The following SFXN4 variants were observed in gnomAD, a reference collection of about 807,000 sequenced individuals.
The protein encoded by SFXN4 is sideroflexin 4.
In SFXN4, 48 loss-of-function variants were observed where a neutral mutation model predicts 54.6. The ratio of observed to expected loss-of-function variants is 0.88; its 90% CI spans 0.70 to 1.12. The LOEUF is 1.12. SFXN4 is among the 50% of genes most tolerant of loss of function. The pLI, the probability that SFXN4 is intolerant of heterozygous loss-of-function variation, is 0.00. For synonymous variants in SFXN4, 130 were observed against 145.5 expected, an observed-to-expected ratio of 0.89 and a Z score of 0.77; for missense variants, 383 against 409.2, an observed-to-expected ratio of 0.94 and a Z score of 0.55.
At chr10:119,162,042 A>C in intron 3 of SFXN4, 3 of 397,574 alleles carry the variant, frequency 7.5e-6, no homozygotes, top group Non-Finnish European at 9.0e-6. Flanking sequence ...GGCTCCAGGA[A>C]TCAGCTGCAG....
At chr10:119,158,958 G>C (rs1424305143) in intron 6 of SFXN4, among the ~76,000 whole-genome samples, 3 of 152,068 alleles carry the variant, frequency 2.0e-5, no homozygotes, top group Non-Finnish European at 4.4e-5. Flanking sequence ...ACTCCAGCCT[G>C]GGCAACAGAG....
chr10:119,157,640 A>C, intron 9 of SFXN4, 28 bp downstream of exon 9: 1 of 1,534,170 alleles, frequency 6.5e-7, no homozygotes, highest in Non-Finnish European at 8.8e-7. Context: ...GGAATAAAGA[A>C]GATTTGACAG....
chr10:119,155,385 G>C lies in SFXN4; in HGVS notation c.617-208C>G, dbSNP rs959825081. Among the ~76,000 whole-genome samples the C allele has an allele frequency of 2.0e-5, 3 of 152,180 alleles. 1 individual carries two copies. The highest frequency in any genetic ancestry group is 4.4e-5 in the Non-Finnish European group (3 of 68,032). ...TAGGCTAAGAACTGCTGGCCACTCA[G>C]TCTTGGATCCTGACCACAGCCTGGG... is the stretch of plus-strand genomic sequence containing the variant. On this transcript the variant is annotated intron_variant, in intron 10 of 13. Coordinates refer to ENST00000355697, the MANE Select transcript of SFXN4 (RefSeq NM_213649.2).
intron 6 of SFXN4, among the ~76,000 whole-genome samples, chr10:119,158,390 G>T (rs143845932): frequency 1.3e-3 from 196 of 152,140 alleles, no homozygotes; most frequent in African/African-American, 4.4e-3. Flanking sequence ...GGAGGCTGAG[G>T]TGGGAGGATC....
Position 119,157,027 on chromosome 10 carries a change from T to C in SFXN4, c.538-271A>G, listed in dbSNP as rs3818794. Among the ~76,000 whole-genome samples, 73,514 of 152,058 alleles carry C rather than the reference T, an allele frequency of 0.48. 18,058 individuals are homozygous for C. The highest frequency in any genetic ancestry group is 0.72 in the East Asian group (3,712 of 5,178). On this transcript the variant is annotated intron_variant, in intron 9 of 13. Transcript: ENST00000355697. ...AGGATGAGGGCCCAGGCTTGTCTGA[T>C]GCCAACATCTCCCCATCTTTCACCA... is the stretch of plus-strand genomic sequence containing the variant.
rs61874342 is a variant in SFXN4, at chr10:119,147,691, C to T, written c.818+84G>A. 183,005 of 1,181,940 alleles carry T rather than the reference C, an allele frequency of 0.15. 14,975 individuals carry two copies. Among genetic ancestry groups the T allele is most frequent in the African/African-American group, 0.23 (15,119 of 65,726 alleles). The allele number at this position is 1,181,940 out of a possible 1,614,324, so 73.2% of individuals were successfully genotyped here. On this transcript the variant is annotated intron_variant, in intron 12 of 13. Coordinates refer to ENST00000355697, the MANE Select transcript of SFXN4 (RefSeq NM_213649.2). ...AGGTTACTGAGCCAACTTCTCCCCA[C>T]CCTCCACCAGGGTCAGTATCTGACA... is the stretch of plus-strand genomic sequence containing the variant.
intron 5 of SFXN4, among the ~76,000 whole-genome samples, chr10:119,160,643 G>A (rs568803782): frequency 6.6e-5 from 9 of 135,836 alleles, no homozygotes; most frequent in South Asian, 4.9e-4. Context: ...AGGCTGGAGC[G>A]CAATGGCATG....
chr10:119,145,311 A>ATTTTT (rs1223685344), intron 13 of SFXN4, among the ~76,000 whole-genome samples: 3 of 68,098 alleles, frequency 4.4e-5, no homozygotes, highest in Non-Finnish European at 7.0e-5. Context: ...TTTTCTTATG[A>ATTTTT]TTTTTTTTTT....
At chr10:119,154,759 G>A (rs1268341844) in intron 11 of SFXN4, among the ~76,000 whole-genome samples, 1 of 152,198 alleles carries the variant, frequency 6.6e-6, no homozygotes, top group East Asian at 1.9e-4. Context: ...TTGTGTTAGG[G>A]AGGCAGAGGT....
chr10:119,165,214 G>A (rs1050707582), intron 1 of SFXN4: 12 of 1,081,402 alleles, frequency 1.1e-5, no homozygotes, highest in Non-Finnish European at 1.4e-5. Flanking sequence ...AGGTGCGAGA[G>A]CCTGTTTCTC....
At chr10:119,151,808 C>T (rs1026897769) in intron 11 of SFXN4, among the ~76,000 whole-genome samples, 12 of 151,442 alleles carry the variant, frequency 7.9e-5, no homozygotes, top group Admixed American at 3.3e-4. Flanking sequence ...TGAGCCACCG[C>T]GCCTGGCCTA....
intron 13 of SFXN4, among the ~76,000 whole-genome samples, chr10:119,144,778 C>T (rs1426962238): frequency 1.3e-5 from 2 of 152,038 alleles, no homozygotes; most frequent in African/African-American, 2.4e-5. Flanking sequence ...CACAAGAGTA[C>T]CTAATTTAAA....
chr10:119,153,899 C>T (rs1847172348), intron 11 of SFXN4, among the ~76,000 whole-genome samples: 1 of 152,170 alleles, frequency 6.6e-6, no homozygotes, highest in Non-Finnish European at 1.5e-5. Context: ...AGGTTACCAC[C>T]AGGCGCGGTG....
intron 6 of SFXN4, among the ~76,000 whole-genome samples, chr10:119,159,147 G>GC (rs1847407384): frequency 6.6e-6 from 1 of 152,076 alleles, no homozygotes; most frequent in African/African-American, 2.4e-5. Context: ...GGGTATGGTG[G>GC]TGAGCGCCTG....
chr10:119,162,682 A>T, intron 2 of SFXN4, among the ~76,000 whole-genome samples: 1 of 152,158 alleles, frequency 6.6e-6, no homozygotes, highest in East Asian at 1.9e-4. Flanking sequence ...TGTCGCACTG[A>T]ATGGTTACCA....
chr10:119,156,827 G>C, intron 9 of SFXN4, 71 bp from the exon 10 acceptor site: 1 of 1,168,996 alleles, frequency 8.6e-7, no homozygotes, highest in South Asian at 1.3e-5. Context: ...CACTAGCAGA[G>C]AGGTCGCCCT....
At chr10:119,162,818 C>G (rs979927020) in intron 2 of SFXN4, among the ~76,000 whole-genome samples, 1 of 152,076 alleles carries the variant, frequency 6.6e-6, no homozygotes, top group African/African-American at 2.4e-5. Context: ...TTTTAAGAGA[C>G]AGGGTCTCAC....
intron 10 of SFXN4, among the ~76,000 whole-genome samples, chr10:119,155,850 C>T (rs999454646): frequency 6.6e-6 from 1 of 152,172 alleles, no homozygotes; most frequent in African/African-American, 2.4e-5. Context: ...CATCAGTCTG[C>T]CAACTCTTCA....
chr10:119,141,153 A>G lies in SFXN4; in HGVS notation c.*89T>C. 5 of 912,740 alleles carry G rather than the reference A, an allele frequency of 5.5e-6. No individual in the cohort carries two copies. Among genetic ancestry groups the G allele is most frequent in the Non-Finnish European group, 8.8e-6 (5 of 571,408 alleles). The allele number at this position is 912,740 out of a possible 1,614,324, so 56.5% of individuals were successfully genotyped here. On this transcript the variant is annotated 3_prime_UTR_variant, in exon 14 of 14. Transcript: ENST00000355697. ...CAGCACAGACACCTCTGGGGTCCCC[A>G]GAAGACCTGTGGCAAAGTTCTCTAA...
Sources: allele counts gnomAD v4.1 joint callset (sites outside exome capture counted in the v4.1 genomes callset), GRCh38; gene constraint gnomAD v4.1.1; transcripts MANE v1.5; gene names NCBI Gene and HGNC (gene_info 2026-07-23, HGNC 2026-07-21).